Variants in ZSWIM4 observed in about 807,000 individuals in gnomAD.
The protein encoded by ZSWIM4 is zinc finger SWIM-type containing 4.
A neutral mutation model predicts 102.5 loss-of-function variants in ZSWIM4; 62 were observed. The observed-to-expected ratio is 0.60, with a 90% CI of 0.49 to 0.75. The LOEUF (loss-of-function observed/expected upper bound fraction) is 0.75, where lower values mean the gene tolerates loss of function less well. Among genes scored for constraint, ZSWIM4 ranks in the 30% least tolerant of loss-of-function variants. The pLI is 0.00. For synonymous variants in ZSWIM4, 652 were observed against 674.5 expected (o/e 0.97, Z 0.52); for missense variants, 1,280 against 1,529.6 (o/e 0.84, Z 2.72).
At chr19:13,827,522 G>A (rs1326136190) in intron 12 of ZSWIM4, among the ~76,000 whole-genome samples, 1 of 150,576 alleles carries the variant, frequency 6.6e-6, no homozygotes, top group East Asian at 1.9e-4. Context: ...GAACCCAGGA[G>A]GTGTAGGTTA....
Position 13,813,074 on chromosome 19 carries a change from A to G in ZSWIM4, c.1090A>G (p.Arg364Gly). The part of the protein sequence containing the change: ...ERAGWLQLLS[R>G]WDKLDVCPLE... Reference sequence around the variant, plus strand: ...GGCAGGCTGGCTCCAGCTACTCAGCAGGTGGGACAAGCTCGACGTCTGCCC... The same window carrying G: ...GGCAGGCTGGCTCCAGCTACTCAGCGGGTGGGACAAGCTCGACGTCTGCCC... Residue 364 changes from arginine (R) to glycine (G), a missense_variant, in exon 6 of 14, where the codon AGG (arginine) becomes GGG (glycine). By Grantham distance (125) the Arg-to-Gly change is moderately radical. Transcript: ENST00000590508. 6.2e-7 allele frequency: 1 copy of G among 1,613,996 alleles called. No individual in the cohort carries two copies.
intron 1 of ZSWIM4, among the ~76,000 whole-genome samples, chr19:13,798,044 G>A (rs1477732467): frequency 6.6e-6 from 1 of 152,234 alleles, no homozygotes; most frequent in East Asian, 1.9e-4. Context: ...GGCGTGGGTT[G>A]GACAAGCTCA....
Position 13,832,219 on chromosome 19 carries a change from C to T in ZSWIM4, c.*1169C>T, listed in dbSNP as rs1205876702. On this transcript the variant is annotated 3_prime_UTR_variant, in exon 14 of 14. Transcript: ENST00000590508. Reference sequence around the variant, plus strand: ...CCAGAGCCACTCACACCCTCAACCTCGTTTCCTCCGCAAAAAAAAAAAAAA... The same window carrying T: ...CCAGAGCCACTCACACCCTCAACCTTGTTTCCTCCGCAAAAAAAAAAAAAA... 1 of 101,902 alleles carries T rather than the reference C, an allele frequency of 9.8e-6. No individual in the cohort carries two copies. The highest frequency in any genetic ancestry group is 1.8e-5 in the Non-Finnish European group (1 of 54,536). The allele number at this position is 101,902 out of a possible 1,614,324, so 6.3% of individuals were successfully genotyped here.
rs1215996873 is a variant in ZSWIM4, at chr19:13,809,830, C to T, written c.1012+610C>T. Among the ~76,000 whole-genome samples the T allele has an allele frequency of 6.6e-6, 1 of 151,678 alleles. No individual in the cohort carries two copies. The highest frequency in any genetic ancestry group is 1.5e-5 in the Non-Finnish European group (1 of 67,922). On this transcript the variant is annotated intron_variant, in intron 5 of 13. Coordinates refer to ENST00000590508, the MANE Select transcript of ZSWIM4 (RefSeq NM_001367834.3). The surrounding 1 kb of genome is among the most constrained non-coding windows in gnomAD (Gnocchi z 4.2). ...TTTTTAGAGACAGGATCTCACTGTG[C>T]GCCCAGGCTGAAGTACAGTGGCACA...
At chr19:13,814,429 G>A in intron 6 of ZSWIM4, 86 bp from the exon 7 acceptor site, 1 of 744,458 alleles carries the variant, frequency 1.3e-6, no homozygotes. Context: ...CTAAACCCCA[G>A]TTAGTACTTG....
At chr19:13,804,260 C>T (rs1008203958) in intron 2 of ZSWIM4, among the ~76,000 whole-genome samples, 2 of 152,062 alleles carry the variant, frequency 1.3e-5, no homozygotes, top group African/African-American at 4.8e-5. Context: ...CACCTGAGGC[C>T]AGGAGTTCAA....
chr19:13,824,656 C>A (rs1193918405), intron 11 of ZSWIM4, among the ~76,000 whole-genome samples: 1 of 151,770 alleles, frequency 6.6e-6, no homozygotes, highest in Non-Finnish European at 1.5e-5. Flanking sequence ...CACTTGAACC[C>A]GGGAGGCAAA....
intron 1 of ZSWIM4, among the ~76,000 whole-genome samples, chr19:13,799,145 A>G (rs957297255): frequency 3.3e-5 from 5 of 151,344 alleles, no homozygotes; most frequent in Middle Eastern, 7.0e-3. Flanking sequence ...CGCTGGTGCA[A>G]TCATGGCTCA....
intron 10 of ZSWIM4, among the ~76,000 whole-genome samples, chr19:13,821,906 TTTTGTA>T (rs773573369): frequency 4.7e-4 from 72 of 152,148 alleles, no homozygotes; most frequent in Non-Finnish European, 8.5e-4. Context: ...CTGGTTAATT[TTTTGTA>T]TTTTTAGTAG....
At chr19:13,828,532 A>G in intron 12 of ZSWIM4, 113 bp from the exon 13 acceptor site, 1 of 812,180 alleles carries the variant, frequency 1.2e-6, no homozygotes, top group Non-Finnish European at 2.0e-6. Flanking sequence ...ACCCGGGTTC[A>G]TTGGATCAGC....
In ZSWIM4 at chr19:13,825,744, G is replaced by A. The variant is rs1599615640; in HGVS notation, c.2379+31G>A. On this transcript the variant is annotated intron_variant, in intron 12 of 13. Coordinates refer to ENST00000590508, the MANE Select transcript of ZSWIM4 (RefSeq NM_001367834.3). The surrounding 1 kb of genome is among the most constrained non-coding windows in gnomAD (Gnocchi z 4.6). ...GGCTGCCAGGTGGATGCGGGAGGGC[G>A]ATGGTGGCTCGGGGCCAGGACTGAC... 12 of 1,591,712 alleles carry A rather than the reference G, an allele frequency of 7.5e-6. No individual in the cohort carries two copies. Among genetic ancestry groups the A allele is most frequent in the African/African-American group, 4.0e-5 (3 of 74,804 alleles).
chr19:13,825,908 T>C lies in ZSWIM4; in HGVS notation c.2379+195T>C, dbSNP rs1293813676. On this transcript the variant is annotated intron_variant, in intron 12 of 13. Transcript: ENST00000590508. The surrounding 1 kb of genome is among the most constrained non-coding windows in gnomAD (Gnocchi z 4.6). Reference sequence around the variant, plus strand: ...GCGGGGACTGTGAGTGAGACACACCTCTGGGGGCGTGGCCTGAGTGTGGGC... The same window carrying C: ...GCGGGGACTGTGAGTGAGACACACCCCTGGGGGCGTGGCCTGAGTGTGGGC... 6.6e-6 allele frequency among the ~76,000 whole-genome samples: 1 copy of C among 152,110 alleles called. No individual in the cohort carries two copies. Among genetic ancestry groups the C allele is most frequent in the Admixed American group, 6.5e-5 (1 of 15,278 alleles).
intron 10 of ZSWIM4, among the ~76,000 whole-genome samples, chr19:13,821,944 G>A (rs1445563763): frequency 1.3e-5 from 2 of 152,186 alleles, no homozygotes; most frequent in East Asian, 1.9e-4. Flanking sequence ...CACCATGTCA[G>A]CCGGGATGGT....
At chr19:13,807,400 A>G (rs1432945886) in intron 3 of ZSWIM4, among the ~76,000 whole-genome samples, 1 of 152,126 alleles carries the variant, frequency 6.6e-6, no homozygotes, top group Non-Finnish European at 1.5e-5. Flanking sequence ...GGTGAGACAG[A>G]TGAGTAAACA....
At position 13,817,277 on chromosome 19, in the gene ZSWIM4, G is replaced by T. The variant is rs1451409029; in HGVS notation, c.1593G>T (p.Leu531=). The stretch of plus-strand genomic sequence containing the variant: ...CCGAAGGATGGGTGGGGCACCCCCT[G>T]GACCCCATTGGCTGCCTCTGCAGGG... ...TNTEGWVGHP[L]DPIGCLCRAL... The change falls in exon 8 of 14, where the codon CTG becomes CTT. Residue 531 remains leucine (L), a synonymous_variant. Coordinates refer to ENST00000590508, the MANE Select transcript of ZSWIM4 (RefSeq NM_001367834.3). 6.2e-7 allele frequency: 1 copy of T among 1,614,086 alleles called. No homozygotes were observed.
intron 10 of ZSWIM4, 28 bp downstream of exon 10, chr19:13,819,520 AG>A (rs1294739277): frequency 1.6e-6 from 2 of 1,214,728 alleles, no homozygotes. Flanking sequence ...AGGCAGTGGC[AG>A]GGGGAGCTGG....
At chr19:13,807,754 C>CATGGATGGATGGATGG (rs368459784) in intron 3 of ZSWIM4, among the ~76,000 whole-genome samples, 52 of 139,308 alleles carry the variant, frequency 3.7e-4, no homozygotes, top group African/African-American at 1.0e-3. Context: ...TGGATGGATG[C>CATGGATGGATGGATGG]ATGGATGGAT....
At chr19:13,802,000 G>T (rs1974784068) in intron 2 of ZSWIM4, among the ~76,000 whole-genome samples, 1 of 130,414 alleles carries the variant, frequency 7.7e-6, no homozygotes, top group Non-Finnish European at 1.6e-5. Flanking sequence ...TTTTGAGATG[G>T]AGTCTCACTC....
chr19:13,804,720 G>A (rs1568328898), intron 2 of ZSWIM4, 72 bp from the exon 3 acceptor site: 4 of 1,298,876 alleles, frequency 3.1e-6, no homozygotes, highest in Non-Finnish European at 3.2e-6. Flanking sequence ...TTGCAACCGG[G>A]TCTTGCTGTG....
Sources: gnomAD v4.1 joint callset for allele counts (sites outside exome capture counted in the v4.1 genomes callset) on GRCh38, gnomAD v4.1.1 for gene constraint, Gnocchi (gnomAD v3.1) non-coding constraint, MANE v1.5 for transcripts, NCBI Gene and HGNC (gene_info 2026-07-23, HGNC 2026-07-21) for gene names.